SVIL: variants seen among roughly 807,000 people sequenced by gnomAD.
SVIL encodes the protein archvillin.
In SVIL, 101 loss-of-function variants were observed where a neutral mutation model predicts 240.4. The observed-to-expected ratio is 0.42, with a 90% CI of 0.36 to 0.50. The LOEUF is 0.50. SVIL is among the 20% of genes least tolerant of loss of function. SVIL has a pLI of 0.01. For missense variants in SVIL, 2,512 were observed against 2,818.7 expected, an observed-to-expected ratio of 0.89 and a Z score of 2.46; for synonymous variants, 999 against 1,100.0, an observed-to-expected ratio of 0.91 and a Z score of 1.82.
chr10:29,531,274 G>C lies in SVIL; in HGVS notation c.2024C>G (p.Ser675Ter), dbSNP rs774871274. 2.5e-6 allele frequency: 4 copies of C among 1,614,004 alleles called. No homozygotes were observed. Among genetic ancestry groups the C allele is most frequent in the Non-Finnish European group, 3.4e-6 (4 of 1,179,964 alleles). Residue 675 changes from serine to a stop codon, truncating the protein, a stop_gained, in exon 10 of 38, where the codon TCA becomes TGA. Coordinates refer to ENST00000355867, the MANE Select transcript of SVIL (RefSeq NM_021738.3). LOFTEE classifies it high-confidence loss of function. ...RKESDRCTSH[S>*]ETPTVDDEEK... is the part of the protein sequence containing the mutation. The stretch of plus-strand genomic sequence containing the variant: ...CTTGCCATCGACAGTTGGCGTTTCT[G>C]AATGTGAAGTGCACCTAGGAAAGAC...
intron 13 of SVIL, 46 bp downstream of exon 13, chr10:29,526,915 G>T: frequency 7.0e-7 from 1 of 1,434,874 alleles, no homozygotes; most frequent in South Asian, 1.5e-5. Flanking sequence ...TCTGCTGTTC[G>T]GCACCTTTGC....
chr10:29,616,779 G>C (rs868011501), intron 1 of SVIL, among the ~76,000 whole-genome samples: 45 of 152,280 alleles, frequency 3.0e-4, no homozygotes, highest in Middle Eastern at 6.8e-3. Flanking sequence ...CTGGAGTGCA[G>C]TGGCGTGATC....
At chr10:29,687,122 C>T (rs1014980955) in intron 1 of SVIL, among the ~76,000 whole-genome samples, 1 of 152,132 alleles carries the variant, frequency 6.6e-6, no homozygotes, top group Non-Finnish European at 1.5e-5. Flanking sequence ...CTTTTTGCTG[C>T]CCTCCCATAA....
intron 2 of SVIL, among the ~76,000 whole-genome samples, chr10:29,663,091 C>T (rs184142532): frequency 6.6e-5 from 10 of 152,206 alleles, no homozygotes; most frequent in African/African-American, 1.9e-4. Context: ...CCAGCCTGGG[C>T]AACAGAATAA....
intron 2 of SVIL, among the ~76,000 whole-genome samples, chr10:29,668,827 G>C (rs966648399): frequency 6.6e-6 from 1 of 152,060 alleles, no homozygotes; most frequent in East Asian, 1.9e-4. Flanking sequence ...GGAGCAGAAA[G>C]ATTTTTTCAA....
At chr10:29,707,741 C>G (rs970994157) in intron 1 of SVIL, among the ~76,000 whole-genome samples, 2 of 152,074 alleles carry the variant, frequency 1.3e-5, no homozygotes, top group South Asian at 4.1e-4. Flanking sequence ...ATAGCTGAAG[C>G]TATCTTTAAA....
In SVIL at chr10:29,467,737, A is replaced by G. The variant is rs1395612844; in HGVS notation, c.5977+5T>C. 6.2e-7 allele frequency: 1 copy of G among 1,613,938 alleles called. No homozygotes were observed. The stretch of plus-strand genomic sequence containing the variant: ...CCAGATCGCAGACTGTGGATGCCAC[A>G]TTACCTTGAAGCATGCAATCGTAGG... On this transcript the variant is annotated splice_donor_5th_base_variant and intron_variant, in intron 33 of 37. Transcript: ENST00000355867.
chr10:29,498,700 G>A (rs1241227343), intron 18 of SVIL, among the ~76,000 whole-genome samples: 1 of 152,212 alleles, frequency 6.6e-6, no homozygotes, highest in East Asian at 1.9e-4. Context: ...TTAAAAGAAG[G>A]CTGGGCATGG....
intron 5 of SVIL, among the ~76,000 whole-genome samples, chr10:29,554,057 T>A (rs1953656396): frequency 6.6e-6 from 1 of 152,098 alleles, no homozygotes; most frequent in Non-Finnish European, 1.5e-5. Context: ...TACCCAACAA[T>A]GTGCGAGGGG....
intron 6 of SVIL, among the ~76,000 whole-genome samples, chr10:29,544,746 A>G (rs1952480933): frequency 7.2e-6 from 1 of 138,138 alleles, no homozygotes; most frequent in African/African-American, 2.7e-5. Flanking sequence ...ACAGAGTGAG[A>G]CCTTTTCTAA....
chr10:29,680,055 T>C (rs1456439736), intron 2 of SVIL, among the ~76,000 whole-genome samples: 3 of 152,088 alleles, frequency 2.0e-5, no homozygotes, highest in Admixed American at 2.0e-4. Context: ...CATAGTTGCA[T>C]GTGCCTGTCA....
intron 1 of SVIL, among the ~76,000 whole-genome samples, chr10:29,632,490 CAAAAAAAAAAAAAAG>C (rs1958138123): frequency 1.1e-5 from 1 of 95,010 alleles, no homozygotes; most frequent in Non-Finnish European, 2.2e-5. Context: ...GACTCCATCT[CAAAAAAAAAAAAAAG>C]AAAAAAGAAA....
At chr10:29,586,263 T>C (rs1956163943) in intron 1 of SVIL, among the ~76,000 whole-genome samples, 1 of 152,206 alleles carries the variant, frequency 6.6e-6, no homozygotes, top group African/African-American at 2.4e-5. Context: ...GGTTATTGAG[T>C]GCATTCAGTC....
In SVIL at chr10:29,486,364, A is replaced by G. The variant is rs147013174; in HGVS notation, c.4633+46T>C. The G allele has an allele frequency of 9.6e-5, 154 of 1,607,518 alleles. No homozygotes were observed. In the African/African-American group the frequency reaches 1.5e-3, roughly 16 times the overall value. ...AGAAGAATGAGCTAAGGGAGAAGAA[A>G]GGAGATTCAAGTCTCGTCAATCTCT... On this transcript the variant is annotated intron_variant, in intron 25 of 37. Transcript: ENST00000355867.
chr10:29,506,167 GC>G (rs1191736370), intron 17 of SVIL, among the ~76,000 whole-genome samples: 1 of 152,102 alleles, frequency 6.6e-6, no homozygotes, highest in Admixed American at 6.5e-5. Context: ...GAGATGAAGG[GC>G]CGACTGTATA....
At chr10:29,671,399 T>C (rs1363252378) in intron 2 of SVIL, among the ~76,000 whole-genome samples, 1 of 152,236 alleles carries the variant, frequency 6.6e-6, no homozygotes, top group African/African-American at 2.4e-5. Context: ...TAGGATATGC[T>C]TTGGAAAGAT....
chr10:29,632,482 C>A (rs1958136551), intron 1 of SVIL, among the ~76,000 whole-genome samples: 1 of 148,002 alleles, frequency 6.8e-6, no homozygotes, highest in East Asian at 2.0e-4. Context: ...CAGAGCAAGA[C>A]TCCATCTCAA....
At chr10:29,464,059 A>G (rs1305706549) in intron 34 of SVIL, among the ~76,000 whole-genome samples, 1 of 152,220 alleles carries the variant, frequency 6.6e-6, no homozygotes, top group Non-Finnish European at 1.5e-5. Flanking sequence ...CACTGCAGAC[A>G]GGTCAGTGGC....
chr10:29,604,914 TG>T (rs34261600), intron 1 of SVIL, among the ~76,000 whole-genome samples: 69,105 of 151,822 alleles, frequency 0.46, 16,621 homozygotes, highest in Non-Finnish European at 0.52. Flanking sequence ...GTGTACAGTA[TG>T]GGGAAAAAAC....
Sources: allele counts gnomAD v4.1 joint callset (sites outside exome capture counted in the v4.1 genomes callset), GRCh38; gene constraint gnomAD v4.1.1; transcripts MANE v1.5; gene names NCBI Gene and HGNC (gene_info 2026-07-23, HGNC 2026-07-21).